The following PPM1E variants were observed in gnomAD, a reference collection of about 807,000 sequenced individuals.
The protein encoded by PPM1E is protein phosphatase 1E.
PPM1E carries 20 observed loss-of-function variants against 65.9 expected under a neutral mutation model. The ratio of observed to expected loss-of-function variants is 0.30; its 90% CI spans 0.21 to 0.44. The LOEUF (loss-of-function observed/expected upper bound fraction) is 0.44. Ranked by LOEUF, PPM1E falls within the 20% of genes least tolerant of loss-of-function variation. The probability of loss-of-function intolerance (pLI) is 1.00; values close to 1 mark genes in which losing one functional copy is unlikely to be tolerated. For synonymous variants in PPM1E, 352 were observed against 374.9 expected (o/e 0.94, Z 0.70); for missense variants, 713 against 953.1 (o/e 0.75, Z 3.32).
intron 1 of PPM1E, among the ~76,000 whole-genome samples, chr17:58,848,043 G>C (rs1430176263): frequency 6.6e-6 from 1 of 152,158 alleles, no homozygotes; most frequent in East Asian, 1.9e-4. Flanking sequence ...TCGTGAATGG[G>C]AGTTCACTCA....
At chr17:58,912,819 G>T (rs947122861) in intron 1 of PPM1E, among the ~76,000 whole-genome samples, 1 of 152,144 alleles carries the variant, frequency 6.6e-6, no homozygotes, top group African/African-American at 2.4e-5. Flanking sequence ...GGAGCTGAAG[G>T]TTGAGTTGGT....
intron 1 of PPM1E, among the ~76,000 whole-genome samples, chr17:58,771,853 A>G (rs759791129): frequency 5.3e-5 from 8 of 152,144 alleles, no homozygotes; most frequent in South Asian, 2.1e-4. Context: ...GCTAAATGCT[A>G]CTTATTCAGA....
At chr17:58,900,300 G>C (rs1383498971) in intron 1 of PPM1E, among the ~76,000 whole-genome samples, 1 of 152,188 alleles carries the variant, frequency 6.6e-6, no homozygotes, top group African/African-American at 2.4e-5. Flanking sequence ...AGAGTCAATA[G>C]ATGTGGCAAA....
At chr17:58,908,411 C>A (rs2143493585) in intron 1 of PPM1E, among the ~76,000 whole-genome samples, 1 of 150,684 alleles carries the variant, frequency 6.6e-6, no homozygotes, top group South Asian at 2.1e-4. Context: ...TCAGTTTCCT[C>A]TTTTTTAGCA....
chr17:58,918,484 C>G (rs1567874627), intron 1 of PPM1E, among the ~76,000 whole-genome samples: 1 of 152,036 alleles, frequency 6.6e-6, no homozygotes, highest in Non-Finnish European at 1.5e-5. Context: ...GTGCTTTTTA[C>G]CTACCATAAA....
rs116265099 is a variant in PPM1E, at chr17:58,981,858, T to C, written c.*827T>C. The C allele has an allele frequency of 6.5e-6, 1 of 152,776 alleles. No individual in the cohort carries two copies. Among genetic ancestry groups the C allele is most frequent in the African/African-American group, 2.4e-5 (1 of 41,566 alleles). 9.5% of individuals were successfully genotyped at this position (152,776 alleles called of 1,614,324 possible). A position where few individuals can be genotyped will look rare whatever the true frequency, so the allele number is the denominator to read the frequency against. On this transcript the variant is annotated 3_prime_UTR_variant, in exon 7 of 7. Transcript: ENST00000308249. The stretch of plus-strand genomic sequence containing the variant: ...TGTACCCTCATCTCAGGAATAAAAC[T>C]GCTTTAACGGAGATGATGTCAGGTA...
At chr17:58,944,355 G>C (rs994712427) in intron 1 of PPM1E, among the ~76,000 whole-genome samples, 11 of 152,024 alleles carry the variant, frequency 7.2e-5, no homozygotes, top group African/African-American at 2.4e-4. Flanking sequence ...TGCTTCACAT[G>C]ACTTGCCTTT....
At chr17:58,889,940 CAAAGT>C (rs2051325346) in intron 1 of PPM1E, among the ~76,000 whole-genome samples, 1 of 152,166 alleles carries the variant, frequency 6.6e-6, no homozygotes, top group Non-Finnish European at 1.5e-5. Context: ...TGTATCTAAT[CAAAGT>C]AATCAGTGGT....
At chr17:58,873,970 A>T (rs1311316309) in intron 1 of PPM1E, among the ~76,000 whole-genome samples, 1 of 152,066 alleles carries the variant, frequency 6.6e-6, no homozygotes, top group Non-Finnish European at 1.5e-5. Context: ...ATGAGAACCA[A>T]CAGAATTCAT....
At chr17:58,849,033 T>A (rs943345055) in intron 1 of PPM1E, among the ~76,000 whole-genome samples, 1 of 152,228 alleles carries the variant, frequency 6.6e-6, no homozygotes, top group African/African-American at 2.4e-5. Context: ...TTTATCCATT[T>A]CTTCTAGATT....
At chr17:58,879,211 A>C (rs1013181819) in intron 1 of PPM1E, among the ~76,000 whole-genome samples, 24 of 151,474 alleles carry the variant, frequency 1.6e-4, no homozygotes, top group African/African-American at 5.8e-4. Flanking sequence ...AGAATTAGGA[A>C]CACATACATT....
At chr17:58,807,644 G>A (rs1280177994) in intron 1 of PPM1E, among the ~76,000 whole-genome samples, 1 of 152,100 alleles carries the variant, frequency 6.6e-6, no homozygotes, top group Non-Finnish European at 1.5e-5. Flanking sequence ...GTCATAAACT[G>A]GGAGAAGATA....
At position 58,755,962 on chromosome 17, in the gene PPM1E, A is replaced by T. The variant is rs367822898; in HGVS notation, c.-36A>T. The T allele has an allele frequency of 1.6e-4, 259 of 1,613,152 alleles. 1 individual carries two copies. Among genetic ancestry groups the T allele is most frequent in the South Asian group, 6.2e-4 (56 of 90,996 alleles). ...CCTTACCCTTCCTGGGCTTCCCCCA[A>T]CCCCTTTCCCGGTCTGCCCTGGGGC... On this transcript the variant is annotated 5_prime_UTR_variant, in exon 1 of 7. Transcript: ENST00000308249.
chr17:58,857,186 A>G (rs2050892263), intron 1 of PPM1E, among the ~76,000 whole-genome samples: 1 of 152,186 alleles, frequency 6.6e-6, no homozygotes. Flanking sequence ...TTACATAACC[A>G]CAGTACATTT....
rs187793319 is a variant in PPM1E at position 58,847,589 on chromosome 17, G to C, written c.464+91128G>C. Among the ~76,000 whole-genome samples the C allele has an allele frequency of 1.8e-3, 278 of 152,164 alleles. 3 individuals are homozygous for C. Among genetic ancestry groups the C allele is most frequent in the Admixed American group, 3.8e-3 (58 of 15,272 alleles). On this transcript the variant is annotated intron_variant, in intron 1 of 6. Transcript: ENST00000308249. ...AGTGATCAGATGGTTATAGATGTGT[G>C]GTATTATTTCTGAGGGCTCTATTCT...
intron 1 of PPM1E, among the ~76,000 whole-genome samples, chr17:58,950,141 C>G (rs969941194): frequency 6.6e-6 from 1 of 152,150 alleles, no homozygotes; most frequent in African/African-American, 2.4e-5. Flanking sequence ...GCAGGTGGAT[C>G]ACCTGAAGTT....
intron 1 of PPM1E, among the ~76,000 whole-genome samples, chr17:58,847,153 G>A (rs1352962033): frequency 6.6e-6 from 1 of 152,084 alleles, no homozygotes; most frequent in Non-Finnish European, 1.5e-5. Flanking sequence ...TAAGTTCTTT[G>A]TAGATTCTGG....
intron 1 of PPM1E, among the ~76,000 whole-genome samples, chr17:58,821,965 A>G (rs936349290): frequency 2.6e-5 from 4 of 152,246 alleles, no homozygotes; most frequent in African/African-American, 9.6e-5. Flanking sequence ...AGATATATCA[A>G]GGTAATGAGA....
chr17:58,970,577 T>C (rs1158857536), intron 4 of PPM1E, among the ~76,000 whole-genome samples: 4 of 152,204 alleles, frequency 2.6e-5, no homozygotes, highest in African/African-American at 9.7e-5. Context: ...TTTGATAGCA[T>C]AGTTATGCTA....
Sources: allele counts gnomAD v4.1 joint callset (sites outside exome capture counted in the v4.1 genomes callset), GRCh38; gene constraint gnomAD v4.1.1; transcripts MANE v1.5; gene names NCBI Gene and HGNC (gene_info 2026-07-23, HGNC 2026-07-21).